Variants in CCDC80 observed in about 807,000 individuals in gnomAD.
CCDC80 encodes coiled-coil domain containing 80.
In CCDC80, 49 loss-of-function variants were observed where a neutral mutation model predicts 78.7. That is an observed-to-expected ratio of 0.62 (90% CI 0.50 to 0.79). The LOEUF (loss-of-function observed/expected upper bound fraction) is 0.79, where lower values mean the gene tolerates loss of function less well. CCDC80 is among the 30% of genes least tolerant of loss of function. The pLI, the probability that CCDC80 is intolerant of heterozygous loss-of-function variation, is 0.00. For synonymous variants in CCDC80, 488 were observed against 447.0 expected (o/e 1.09, Z -1.16); for missense variants, 1,205 against 1,198.6 (o/e 1.01, Z -0.08).
intron 3 of CCDC80, among the ~76,000 whole-genome samples, chr3:112,620,459 T>A (rs1217168793): frequency 6.6e-6 from 1 of 152,084 alleles, no homozygotes; most frequent in African/African-American, 2.4e-5. Flanking sequence ...TTAGAAAAAA[T>A]TTAAATTAAT....
Position 112,628,869 on chromosome 3 carries a change from C to T in CCDC80, c.2035+1244G>A, listed in dbSNP as rs776055985. On this transcript the variant is annotated intron_variant, in intron 3 of 7. Transcript: ENST00000206423. Reference sequence around the variant, plus strand: ...GGTGGGCTATTTAAAGTAGAGAATGCATAACTGATACTTTACCCTGAATCA... The same window carrying T: ...GGTGGGCTATTTAAAGTAGAGAATGTATAACTGATACTTTACCCTGAATCA... Among the ~76,000 whole-genome samples, 64 of 152,212 alleles carry T rather than the reference C, an allele frequency of 4.2e-4. 1 individual carries two copies. Among genetic ancestry groups the T allele is most frequent in the South Asian group, 8.3e-4 (4 of 4,830 alleles).
intron 3 of CCDC80, among the ~76,000 whole-genome samples, chr3:112,626,931 C>T (rs1288597495): frequency 6.6e-6 from 1 of 152,062 alleles, no homozygotes; most frequent in Non-Finnish European, 1.5e-5. Context: ...TGCCATATTC[C>T]ACCTCCATGA....
intron 2 of CCDC80, among the ~76,000 whole-genome samples, chr3:112,635,184 G>A (rs1262783222): frequency 2.6e-5 from 4 of 152,154 alleles, no homozygotes; most frequent in East Asian, 1.9e-4. Flanking sequence ...TATGTGATAC[G>A]TCCACATCTA....
chr3:112,597,421 G>A lies in CCDC80; in HGVS notation c.*7996C>T, dbSNP rs988122602. 6.6e-6 allele frequency: 1 copy of A among 152,184 alleles called. No individual in the cohort carries two copies. Among genetic ancestry groups the A allele is most frequent in the Non-Finnish European group, 1.5e-5 (1 of 68,030 alleles). 9.4% of individuals were successfully genotyped at this position (152,184 alleles called of 1,614,324 possible). ...TGCAGAGCTTCTTCACGTTGGAATG[G>A]TGAATAGGTACACATTTCTCAAAGC... On this transcript the variant is annotated 3_prime_UTR_variant, in exon 8 of 8. Coordinates refer to ENST00000206423, the MANE Select transcript of CCDC80 (RefSeq NM_199511.3).
Position 112,638,651 on chromosome 3 carries a change from G to T in CCDC80, c.1255C>A (p.Arg419=). The change falls in exon 2 of 8, where the codon CGG becomes AGG. Residue 419 remains arginine (R), a synonymous_variant. Transcript: ENST00000206423. ...GGCCTCTCCCTGTGCTGATCCTTCCGGGATGGAGGGTAAAGATTCTCTGAA... is the reference window on the plus strand; with the variant it reads ...GGCCTCTCCCTGTGCTGATCCTTCCTGGATGGAGGGTAAAGATTCTCTGAA... ...SVSENLYPPS[R]KDQHRERPQT... 2 of 1,614,018 alleles carry T rather than the reference G, an allele frequency of 1.2e-6. No homozygotes were observed. The highest frequency in any genetic ancestry group is 2.2e-5 in the South Asian group (2 of 91,054).
rs903453135 is a variant in CCDC80, at chr3:112,600,101, C to T, written c.*5316G>A. The stretch of plus-strand genomic sequence containing the variant: ...ATTTGAAACTACCTAGTTTATACTA[C>T]CAGAAGACAGAGATTCAGGTTAGCT... On this transcript the variant is annotated 3_prime_UTR_variant, in exon 8 of 8. Coordinates refer to ENST00000206423, the MANE Select transcript of CCDC80 (RefSeq NM_199511.3). 1 of 152,154 alleles carries T rather than the reference C, an allele frequency of 6.6e-6. No homozygotes were observed. Among genetic ancestry groups the T allele is most frequent in the African/African-American group, 2.4e-5 (1 of 41,424 alleles). The allele number at this position is 152,154 out of a possible 1,614,324, so 9.4% of individuals were successfully genotyped here. A position where few individuals can be genotyped will look rare whatever the true frequency, so the allele number is the denominator to read the frequency against.
In CCDC80 at chr3:112,603,386, G is replaced by A. The variant is rs577217867; in HGVS notation, c.*2031C>T. ...AAAAATAAGCTGGGTGTAGTGGTGG[G>A]CGCCTGTAAATCCAGCTACTCAGGG... On this transcript the variant is annotated 3_prime_UTR_variant, in exon 8 of 8. Transcript: ENST00000206423. The A allele has an allele frequency of 9.6e-4, 146 of 151,432 alleles. 1 individual carries two copies. Among genetic ancestry groups the A allele is most frequent in the African/African-American group, 3.4e-3 (139 of 41,216 alleles). The allele number at this position is 151,432 out of a possible 1,614,324, so 9.4% of individuals were successfully genotyped here.
rs151190864 is a variant in CCDC80 at position 112,600,903 on chromosome 3, T to C, written c.*4514A>G. 1.3e-5 allele frequency: 2 copies of C among 152,314 alleles called. No individual in the cohort carries two copies. Among genetic ancestry groups the C allele is most frequent in the African/African-American group, 4.8e-5 (2 of 41,566 alleles). 9.4% of individuals were successfully genotyped at this position (152,314 alleles called of 1,614,324 possible). On this transcript the variant is annotated 3_prime_UTR_variant, in exon 8 of 8. Transcript: ENST00000206423. ...TCAGAAAGGTAAAGAAATCCATTTT[T>C]ATTGGCAACTTTGGGCTATGCTTCA...
intron 2 of CCDC80, among the ~76,000 whole-genome samples, chr3:112,637,510 T>C (rs566137380): frequency 6.6e-6 from 1 of 152,222 alleles, no homozygotes; most frequent in Non-Finnish European, 1.5e-5. Context: ...AATGTTGATA[T>C]AGAGCTAATT....
At chr3:112,610,114 T>C (rs1257312086) in intron 5 of CCDC80, 33 bp from the exon 6 acceptor site, 1 of 1,570,584 alleles carries the variant, frequency 6.4e-7, no homozygotes, top group South Asian at 1.1e-5. Context: ...CATTACTGCT[T>C]ACTGCTTCAA....
intron 2 of CCDC80, among the ~76,000 whole-genome samples, chr3:112,631,633 T>C (rs7648759): frequency 0.24 from 36,846 of 152,102 alleles, 5,021 homozygotes; most frequent in Middle Eastern, 0.43. Flanking sequence ...TACCTTGGCA[T>C]TTTTCAGAGG....
Position 112,616,833 on chromosome 3 carries a change from A to C in CCDC80, c.2198T>G (p.Met733Arg). The C allele has an allele frequency of 6.2e-7, 1 of 1,614,016 alleles. No individual in the cohort carries two copies. The highest frequency in any genetic ancestry group is 8.5e-7 in the Non-Finnish European group (1 of 1,179,992). ...VKQYYEVPIT[M>R]KSVFDLIDTF... ...ATCGATCAGATCAAACACAGACTTC[A>C]TTGTTATTGGTACCTCATAGTATTG... Residue 733 changes from methionine (M) to arginine (R), a missense_variant, in exon 5 of 8, where the codon ATG becomes AGG. By Grantham distance (91) the Met-to-Arg change is moderately conservative. Transcript: ENST00000206423.
chr3:112,636,814 T>G (rs917030957), intron 2 of CCDC80, among the ~76,000 whole-genome samples: 3 of 152,214 alleles, frequency 2.0e-5, no homozygotes, highest in Non-Finnish European at 2.9e-5. Context: ...CACCCAGGCA[T>G]CTGAGAAAAT....
chr3:112,613,771 T>G (rs535234385), intron 5 of CCDC80, among the ~76,000 whole-genome samples: 1 of 152,162 alleles, frequency 6.6e-6, no homozygotes, highest in Non-Finnish European at 1.5e-5. Flanking sequence ...TTTACTGGGA[T>G]AGATCACTAA....
chr3:112,633,783 C>T (rs1418176190), intron 2 of CCDC80, among the ~76,000 whole-genome samples: 1 of 152,206 alleles, frequency 6.6e-6, no homozygotes, highest in Non-Finnish European at 1.5e-5. Context: ...ACATCTCCAT[C>T]CCATTCACTT....
At chr3:112,637,705 G>C (rs3842905) in intron 2 of CCDC80, among the ~76,000 whole-genome samples, 88,608 of 152,016 alleles carry the variant, frequency 0.58, 27,016 homozygotes, top group South Asian at 0.71. Context: ...CCTTGGAAGA[G>C]AGTGGTAGAA....
chr3:112,618,430 G>A (rs1333888447), intron 4 of CCDC80, among the ~76,000 whole-genome samples: 2 of 152,158 alleles, frequency 1.3e-5, no homozygotes, highest in Non-Finnish European at 2.9e-5. Context: ...GGGAGGATGA[G>A]GCAGGAGAAT....
rs758136333 is a variant in CCDC80 at position 112,638,479 on chromosome 3, C to G, written c.1427G>C (p.Arg476Pro). Residue 476 changes from arginine to proline, a missense_variant, in exon 2 of 8, where the codon CGA becomes CCA. Transcript: ENST00000206423. ...NRMDRREHGHRDPNVVPGPPK... is the reference protein window; with the variant it reads ...NRMDRREHGHPDPNVVPGPPK... Reference sequence around the variant, plus strand: ...AGGACCTGGCACCACATTTGGGTCTCGGTGGCCATGTTCCCGCCTGTCCAT... The same window carrying G: ...AGGACCTGGCACCACATTTGGGTCTGGGTGGCCATGTTCCCGCCTGTCCAT... 1 of 1,613,668 alleles carries G rather than the reference C, an allele frequency of 6.2e-7. No individual in the cohort carries two copies. Among genetic ancestry groups the G allele is most frequent in the Admixed American group, 1.7e-5 (1 of 59,992 alleles).
At position 112,598,491 on chromosome 3, in the gene CCDC80, A is replaced by G. The variant is rs1271141703; in HGVS notation, c.*6926T>C. 2 of 152,318 alleles carry G rather than the reference A, an allele frequency of 1.3e-5. No individual in the cohort carries two copies. Among genetic ancestry groups the G allele is most frequent in the East Asian group, 1.9e-4 (1 of 5,204 alleles). The allele number at this position is 152,318 out of a possible 1,614,324, so 9.4% of individuals were successfully genotyped here. On this transcript the variant is annotated 3_prime_UTR_variant, in exon 8 of 8. Coordinates refer to ENST00000206423, the MANE Select transcript of CCDC80 (RefSeq NM_199511.3). ...ATACTTATTGCAGAGGAGAAAAGCCAAAGAACGTTTGCCCATGGGCAGTCT... is the reference window on the plus strand; with the variant it reads ...ATACTTATTGCAGAGGAGAAAAGCCGAAGAACGTTTGCCCATGGGCAGTCT...
Sources: allele counts gnomAD v4.1 joint callset (sites outside exome capture counted in the v4.1 genomes callset), GRCh38; gene constraint gnomAD v4.1.1; transcripts MANE v1.5; gene names NCBI Gene and HGNC (gene_info 2026-07-23, HGNC 2026-07-21).